Variants in MON1B observed in about 807,000 individuals in gnomAD.
MON1B encodes vacuolar fusion protein MON1 homolog B.
MON1B carries 26 observed loss-of-function variants against 45.1 expected under a neutral mutation model. That is an observed-to-expected ratio of 0.58 (90% confidence interval 0.42 to 0.80). The LOEUF (loss-of-function observed/expected upper bound fraction) is 0.80. Ranked by LOEUF, MON1B falls within the 30% of genes least tolerant of loss-of-function variation. The probability of loss-of-function intolerance (pLI) is 0.00; values close to 1 mark genes in which losing one functional copy is unlikely to be tolerated. For missense variants in MON1B, 737 were observed against 754.5 expected, an observed-to-expected ratio of 0.98 and a Z score of 0.27; for synonymous variants, 395 against 320.2, an observed-to-expected ratio of 1.23 and a Z score of -2.49.
Position 77,199,558 on chromosome 16 carries a change from A to G in MON1B, c.*1250A>G, listed in dbSNP as rs1257829378. On this transcript the variant is annotated 3_prime_UTR_variant, in exon 6 of 6. Transcript: ENST00000248248. Reference sequence around the variant, plus strand: ...GCACTCCTTTCTCTCCAACCAGGGCAGAAAGGAGGGAGGATTCGTCCCATT... The same window carrying G: ...GCACTCCTTTCTCTCCAACCAGGGCGGAAAGGAGGGAGGATTCGTCCCATT... 7 of 1,410,020 alleles carry G rather than the reference A, an allele frequency of 5.0e-6. No individual in the cohort carries two copies. Among genetic ancestry groups the G allele is most frequent in the East Asian group, 2.5e-5 (1 of 40,302 alleles). The allele number at this position is 1,410,020 out of a possible 1,614,324, so 87.3% of individuals were successfully genotyped here. A position where few individuals can be genotyped will look rare whatever the true frequency, so the allele number is the denominator to read the frequency against.
chr16:77,198,780 G>C lies in MON1B; in HGVS notation c.*472G>C. On this transcript the variant is annotated 3_prime_UTR_variant, in exon 6 of 6. Coordinates refer to ENST00000248248, the MANE Select transcript of MON1B (RefSeq NM_014940.4). Reference sequence around the variant, plus strand: ...TTTAAAGAAAAAAACTACATAAAAGGCCTAAAAGTAAGACCCACAAGGATA... The same window carrying C: ...TTTAAAGAAAAAAACTACATAAAAGCCCTAAAAGTAAGACCCACAAGGATA... 5.7e-6 allele frequency: 1 copy of C among 176,010 alleles called. No homozygotes were observed. The highest frequency in any genetic ancestry group is 5.4e-5 in the Admixed American group (1 of 18,664). 10.9% of individuals were successfully genotyped at this position (176,010 alleles called of 1,614,324 possible).
chr16:77,192,691 T>G (rs983015797), intron 2 of MON1B, among the ~76,000 whole-genome samples: 1 of 151,838 alleles, frequency 6.6e-6, no homozygotes, highest in Non-Finnish European at 1.5e-5. Flanking sequence ...TGATGGTCAT[T>G]GTTGGGGGTA....
rs570238995 is a variant in MON1B at position 77,199,288 on chromosome 16, C to G, written c.*980C>G. ...AGGTTGTAGCATGTGTGCTGGCAAT[C>G]AGGGCCGCAGTGTGTTCTGCGCCTG... On this transcript the variant is annotated 3_prime_UTR_variant, in exon 6 of 6. Transcript: ENST00000248248. The G allele has an allele frequency of 4.8e-5, 30 of 630,408 alleles. No homozygotes were observed. The South Asian group carries it at 5.8e-4, about 12-fold the overall frequency. 39.1% of individuals were successfully genotyped at this position (630,408 alleles called of 1,614,324 possible). A position where few individuals can be genotyped will look rare whatever the true frequency, so the allele number is the denominator to read the frequency against.
chr16:77,195,818 G>C, intron 5 of MON1B, 136 bp downstream of exon 5: 3 of 1,036,504 alleles, frequency 2.9e-6, no homozygotes, highest in Non-Finnish European at 4.2e-6. Flanking sequence ...CTGCAACACT[G>C]TCCCTGCCTT....
At chr16:77,192,535 TA>T (rs1404721494) in intron 2 of MON1B, among the ~76,000 whole-genome samples, 1 of 151,966 alleles carries the variant, frequency 6.6e-6, no homozygotes, top group South Asian at 2.1e-4. Context: ...TGGTCATGGG[TA>T]GGGGCAATGG....
At position 77,194,995 on chromosome 16, in the gene MON1B, C is replaced by T. The variant is rs755287354; in HGVS notation, c.1136C>T (p.Ala379Val). 6.8e-6 allele frequency: 11 copies of T among 1,613,612 alleles called. No individual in the cohort carries two copies. In the Admixed American group the frequency reaches 1.5e-4, roughly 22 times the overall value. Residue 379 changes from alanine to valine, a missense_variant, in exon 4 of 6, where the codon GCC (alanine) becomes GTC (valine). Coordinates refer to ENST00000248248, the MANE Select transcript of MON1B (RefSeq NM_014940.4). The surrounding 1 kb of genome is among the most constrained non-coding windows in gnomAD (Gnocchi z 8.1). ...LVEDGMHALG[A>V]MRALGEAASF... ...GAAGATGGGATGCATGCCCTTGGTG[C>T]CATGCGTGCCCTTGGGGAGGCTGCC...
At position 77,198,418 on chromosome 16, in the gene MON1B, C is replaced by T. The variant is rs2054690121; in HGVS notation, c.*110C>T. The T allele has an allele frequency of 5.5e-6, 7 of 1,267,746 alleles. No individual in the cohort carries two copies. Among genetic ancestry groups the T allele is most frequent in the East Asian group, 2.4e-5 (1 of 42,264 alleles). 78.5% of individuals were successfully genotyped at this position (1,267,746 alleles called of 1,614,324 possible). Reference sequence around the variant, plus strand: ...GTGTGTCTGTGGCCAGTCATTGTCTCCCTAAGCAATGGGGCAAGGTCTGAG... The same window carrying T: ...GTGTGTCTGTGGCCAGTCATTGTCTTCCTAAGCAATGGGGCAAGGTCTGAG... On this transcript the variant is annotated 3_prime_UTR_variant, in exon 6 of 6. Transcript: ENST00000248248.
rs1046168724 is a variant in MON1B at position 77,199,465 on chromosome 16, T to A, written c.*1157T>A. Reference sequence around the variant, plus strand: ...CCGCGTTGGAAAATGGCGGGGAAGCTGAAACCTCTGAATGTGGAGGCGCCA... The same window carrying A: ...CCGCGTTGGAAAATGGCGGGGAAGCAGAAACCTCTGAATGTGGAGGCGCCA... On this transcript the variant is annotated 3_prime_UTR_variant, in exon 6 of 6. Transcript: ENST00000248248. The A allele has an allele frequency of 2.6e-6, 4 of 1,551,320 alleles. No individual in the cohort carries two copies. The African/African-American group carries it at 5.5e-5, about 21-fold the overall frequency.
intron 4 of MON1B, 92 bp downstream of exon 4, chr16:77,195,246 C>A: frequency 1.6e-6 from 2 of 1,260,348 alleles, no homozygotes; most frequent in South Asian, 1.5e-5. Context: ...GGAGAGATAA[C>A]CAGCCATGCT....
rs2054739206 is a variant in MON1B, at chr16:77,201,242, CA to C, written c.*2938del. 1.3e-5 allele frequency: 2 copies of C among 152,150 alleles called. No homozygotes were observed. Among genetic ancestry groups the C allele is most frequent in the Non-Finnish European group, 2.9e-5 (2 of 68,034 alleles). The allele number at this position is 152,150 out of a possible 1,614,324, so 9.4% of individuals were successfully genotyped here. On this transcript the variant is annotated 3_prime_UTR_variant, in exon 6 of 6. Coordinates refer to ENST00000248248, the MANE Select transcript of MON1B (RefSeq NM_014940.4). ...GCACATACTAAGTGCCAGCATTCAA[CA>C]AAAGACAGACGGAAATAAGACAGAT...
In MON1B at chr16:77,201,993, A is replaced by G. The variant is rs2054748445; in HGVS notation, c.*3685A>G. 1 of 152,206 alleles carries G rather than the reference A, an allele frequency of 6.6e-6. No individual in the cohort carries two copies. The highest frequency in any genetic ancestry group is 1.9e-4 in the East Asian group (1 of 5,192). 9.4% of individuals were successfully genotyped at this position (152,206 alleles called of 1,614,324 possible). A position where few individuals can be genotyped will look rare whatever the true frequency, so the allele number is the denominator to read the frequency against. On this transcript the variant is annotated 3_prime_UTR_variant, in exon 6 of 6. Coordinates refer to ENST00000248248, the MANE Select transcript of MON1B (RefSeq NM_014940.4). Reference sequence around the variant, plus strand: ...ATAAAGGCCTAAGTGATAACTCTGGACAAGGAATTTGGATTTTGGGAGTAG... The same window carrying G: ...ATAAAGGCCTAAGTGATAACTCTGGGCAAGGAATTTGGATTTTGGGAGTAG...
At position 77,193,757 on chromosome 16, in the gene MON1B, C is replaced by T. The variant is rs767851310; in HGVS notation, c.455C>T (p.Ala152Val). Residue 152 changes from alanine to valine, a missense_variant, in exon 3 of 6, where the codon GCC becomes GTC. Transcript: ENST00000248248. The surrounding 1 kb of genome is among the most constrained non-coding windows in gnomAD (Gnocchi z 5.0). ...LVSFVQSAGD[A>V]IRAIYAEDHK... is the part of the protein sequence containing the mutation. ...TCCTTTGTGCAGAGTGCGGGAGATG[C>T]CATCCGTGCCATCTACGCTGGTGAG... 2 of 1,611,816 alleles carry T rather than the reference C, an allele frequency of 1.2e-6. No individual in the cohort carries two copies. The highest frequency in any genetic ancestry group is 2.2e-5 in the South Asian group (2 of 90,908).
At chr16:77,192,639 T>G (rs1275003823) in intron 2 of MON1B, among the ~76,000 whole-genome samples, 2 of 151,882 alleles carry the variant, frequency 1.3e-5, no homozygotes, top group Non-Finnish European at 2.9e-5. Flanking sequence ...GTCAGGGGAG[T>G]GACTGAAGGT....
In MON1B at chr16:77,199,337, C is replaced by T; in HGVS notation, c.*1029C>T. On this transcript the variant is annotated 3_prime_UTR_variant, in exon 6 of 6. Transcript: ENST00000248248. ...TGCCCAGAGCTGACTCCTGATTTAA[C>T]CGCTGGCGTAACCGCGGGTTGCACG... The T allele has an allele frequency of 9.8e-7, 1 of 1,017,274 alleles. No individual in the cohort carries two copies. The highest frequency in any genetic ancestry group is 1.5e-6 in the Non-Finnish European group (1 of 684,470). The allele number at this position is 1,017,274 out of a possible 1,614,324, so 63.0% of individuals were successfully genotyped here.
At chr16:77,192,943 G>C (rs932671390) in intron 2 of MON1B, among the ~76,000 whole-genome samples, 1 of 152,062 alleles carries the variant, frequency 6.6e-6, no homozygotes, top group Non-Finnish European at 1.5e-5. Flanking sequence ...AGAGTTAGTA[G>C]GGGTCATCAG....
In MON1B at chr16:77,191,232, G is replaced by T. The variant is rs776934673; in HGVS notation, c.-37G>T. 2 of 1,536,748 alleles carry T rather than the reference G, an allele frequency of 1.3e-6. No homozygotes were observed. The highest frequency in any genetic ancestry group is 1.7e-6 in the Non-Finnish European group (2 of 1,146,928). On this transcript the variant is annotated 5_prime_UTR_variant, in exon 1 of 6. Coordinates refer to ENST00000248248, the MANE Select transcript of MON1B (RefSeq NM_014940.4). Reference sequence around the variant, plus strand: ...CGCTACGGGGAAGTAATGGTATCCGGCCAATTGAGATTCGGAGTTAAAACA... The same window carrying T: ...CGCTACGGGGAAGTAATGGTATCCGTCCAATTGAGATTCGGAGTTAAAACA...
At chr16:77,192,773 G>A (rs2054626960) in intron 2 of MON1B, among the ~76,000 whole-genome samples, 1 of 152,074 alleles carries the variant, frequency 6.6e-6, no homozygotes, top group Non-Finnish European at 1.5e-5. Flanking sequence ...AAAACCAGGT[G>A]TTAATGATTG....
chr16:77,201,043 ATTATTGC>A lies in MON1B; in HGVS notation c.*2743_*2749del. On this transcript the variant is annotated 3_prime_UTR_variant, in exon 6 of 6. Coordinates refer to ENST00000248248, the MANE Select transcript of MON1B (RefSeq NM_014940.4). ...TACCCATACAGACATCAAAGTAATGATTATTGCTTATTGCCTGACCTAGGATGTGAGC... is the reference window on the plus strand; with the variant it reads ...TACCCATACAGACATCAAAGTAATGATTATTGCCTGACCTAGGATGTGAGC... 1 of 152,214 alleles carries A rather than the reference ATTATTGC, an allele frequency of 6.6e-6. No homozygotes were observed. Among genetic ancestry groups the A allele is most frequent in the East Asian group, 1.9e-4 (1 of 5,192 alleles). The allele number at this position is 152,214 out of a possible 1,614,324, so 9.4% of individuals were successfully genotyped here. A position where few individuals can be genotyped will look rare whatever the true frequency, so the allele number is the denominator to read the frequency against.
chr16:77,194,175 C>T lies in MON1B; in HGVS notation c.476-160C>T, dbSNP rs1209668897. 5.5e-6 allele frequency: 4 copies of T among 724,210 alleles called. No homozygotes were observed. Among genetic ancestry groups the T allele is most frequent in the South Asian group, 1.6e-5 (1 of 63,476 alleles). 44.9% of individuals were successfully genotyped at this position (724,210 alleles called of 1,614,324 possible). On this transcript the variant is annotated intron_variant, in intron 3 of 5. Coordinates refer to ENST00000248248, the MANE Select transcript of MON1B (RefSeq NM_014940.4). This position sits in a 1 kb window ranked among gnomAD's most constrained non-coding sequence, Gnocchi z 8.1. ...TCATGTCTCTGCAAATGTCCAGATT[C>T]CTCCAGCTTGTCCTTACCCCAGTCC... is the stretch of plus-strand genomic sequence containing the variant.
Sources: allele counts gnomAD v4.1 joint callset (sites outside exome capture counted in the v4.1 genomes callset), GRCh38; gene constraint gnomAD v4.1.1; non-coding constraint Gnocchi (gnomAD v3.1); transcripts MANE v1.5; gene names NCBI Gene and HGNC (gene_info 2026-07-23, HGNC 2026-07-21).